CALN1: variants seen among roughly 807,000 people sequenced by gnomAD.
CALN1 encodes the protein calcium-binding protein 8.
In CALN1, 17 loss-of-function variants were observed where a neutral mutation model predicts 30.6. That is an observed-to-expected ratio of 0.56 (90% CI 0.38 to 0.83). CALN1 has a LOEUF of 0.83. Among genes scored for constraint, CALN1 ranks in the 40% least tolerant of loss-of-function variants. CALN1 has a pLI of 0.00. For missense variants in CALN1, 291 were observed against 354.9 expected, an observed-to-expected ratio of 0.82 and a Z score of 1.45; for synonymous variants, 156 against 131.4, an observed-to-expected ratio of 1.19 and a Z score of -1.28.
intron 1 of CALN1, among the ~76,000 whole-genome samples, chr7:72,429,737 G>C (rs918101738): frequency 8.6e-5 from 12 of 139,522 alleles, no homozygotes; most frequent in Non-Finnish European, 1.5e-4. Flanking sequence ...ATATATGTCT[G>C]TGTATATATA....
At chr7:72,006,717 T>C (rs928367846) in intron 5 of CALN1, among the ~76,000 whole-genome samples, 1 of 152,148 alleles carries the variant, frequency 6.6e-6, no homozygotes, top group Admixed American at 6.5e-5. Flanking sequence ...TTTATAGGTA[T>C]AAATGGTAAT....
At chr7:71,905,510 C>T (rs1794087364) in intron 5 of CALN1, among the ~76,000 whole-genome samples, 2 of 151,826 alleles carry the variant, frequency 1.3e-5, no homozygotes, top group African/African-American at 4.8e-5. Context: ...AAGATCAGGG[C>T]TTTTTGGACA....
intron 3 of CALN1, among the ~76,000 whole-genome samples, chr7:72,199,508 C>G (rs529339671): frequency 1.3e-5 from 2 of 152,080 alleles, no homozygotes; most frequent in Non-Finnish European, 2.9e-5. Context: ...GAGTTCGAGA[C>G]AAGGAGTTCA....
At chr7:72,120,117 A>C (rs1441200463) in intron 3 of CALN1, among the ~76,000 whole-genome samples, 2 of 152,054 alleles carry the variant, frequency 1.3e-5, no homozygotes, top group Non-Finnish European at 2.9e-5. Flanking sequence ...AGTAGTCCCC[A>C]GTATCTATTG....
At chr7:72,014,085 CTTTTTTT>C (rs71092941) in intron 5 of CALN1, among the ~76,000 whole-genome samples, 1 of 123,402 alleles carries the variant, frequency 8.1e-6, no homozygotes, top group Non-Finnish European at 1.7e-5. Context: ...TGAGTTGGCT[CTTTTTTT>C]TTTTTTTTTT....
chr7:72,076,934 T>C (rs1236390640), intron 4 of CALN1, among the ~76,000 whole-genome samples: 2 of 151,854 alleles, frequency 1.3e-5, no homozygotes, highest in Non-Finnish European at 2.9e-5. Flanking sequence ...TTATTTTTTA[T>C]TTTTTTTGAG....
At chr7:71,992,498 A>G (rs1309910144) in intron 5 of CALN1, among the ~76,000 whole-genome samples, 3 of 152,170 alleles carry the variant, frequency 2.0e-5, no homozygotes, top group Non-Finnish European at 4.4e-5. Flanking sequence ...CTGGGACTAC[A>G]GGTGCACATC....
chr7:71,995,692 T>C (rs844738), intron 5 of CALN1, among the ~76,000 whole-genome samples: 2,879 of 152,010 alleles, frequency 0.019, 108 homozygotes, highest in African/African-American at 0.067. Flanking sequence ...GGGAGGTGCT[T>C]TCCTTCCCTG....
intron 5 of CALN1, among the ~76,000 whole-genome samples, chr7:71,909,982 A>T (rs1317941879): frequency 1.3e-5 from 2 of 152,184 alleles, no homozygotes; most frequent in Non-Finnish European, 2.9e-5. Context: ...GGTAAAGGAG[A>T]AGCAAAGGCA....
chr7:72,418,442 CT>C (rs1329146685), intron 1 of CALN1, among the ~76,000 whole-genome samples: 1 of 152,168 alleles, frequency 6.6e-6, no homozygotes, highest in South Asian at 2.1e-4. Context: ...GTGCAGGTGT[CT>C]TTTTGGTAGA....
At chr7:72,246,771 T>TTTTTTTTTA (rs1795194829) in intron 3 of CALN1, among the ~76,000 whole-genome samples, 6 of 150,080 alleles carry the variant, frequency 4.0e-5, no homozygotes, top group South Asian at 2.2e-4. Flanking sequence ...TTTTTTTTTT[T>TTTTTTTTTA]GAGATGGAGT....
In CALN1 at chr7:71,792,521, T is replaced by C. The variant is rs73360056; in HGVS notation, c.659-4619A>G. 9.7e-4 allele frequency among the ~76,000 whole-genome samples: 147 copies of C among 152,204 alleles called. 1 individual carries two copies. The highest frequency in any genetic ancestry group is 3.5e-3 in the African/African-American group (147 of 41,526). ...TGCTGTTTAGGTGTGGGTCTCAGAA[T>C]CTTACAAGTTCTTACCTGGAGGAAG... On this transcript the variant is annotated intron_variant, in intron 6 of 6. Coordinates refer to ENST00000395275, the MANE Select transcript of CALN1 (RefSeq NM_031468.4).
At chr7:72,295,586 G>C (rs988911747) in intron 2 of CALN1, among the ~76,000 whole-genome samples, 7 of 140,576 alleles carry the variant, frequency 5.0e-5, no homozygotes, top group East Asian at 2.0e-4. Flanking sequence ...CACATCCCTT[G>C]TAAGTTGGAT....
chr7:71,839,581 G>T (rs765198103), intron 5 of CALN1, among the ~76,000 whole-genome samples: 1 of 152,126 alleles, frequency 6.6e-6, no homozygotes, highest in Non-Finnish European at 1.5e-5. Flanking sequence ...TCATTTTATG[G>T]ATTCTGTGGG....
At chr7:71,852,555 G>A (rs12112505) in intron 5 of CALN1, among the ~76,000 whole-genome samples, 7,444 of 150,756 alleles carry the variant, frequency 0.049, 619 homozygotes, top group African/African-American at 0.17. Context: ...AACCATGATC[G>A]CACCACTGCA....
intron 2 of CALN1, among the ~76,000 whole-genome samples, chr7:72,371,047 CA>C (rs35918896): frequency 0.045 from 4,102 of 91,518 alleles, 85 homozygotes; most frequent in African/African-American, 0.1. Flanking sequence ...AATTAAGTCT[CA>C]AAAAAAAAAA....
intron 2 of CALN1, among the ~76,000 whole-genome samples, chr7:72,332,415 T>C (rs1197184944): frequency 2.6e-5 from 4 of 152,048 alleles, no homozygotes; most frequent in African/African-American, 9.7e-5. Flanking sequence ...TAAACTGACA[T>C]GGCACATGTG....
intron 2 of CALN1, among the ~76,000 whole-genome samples, chr7:72,394,283 G>C (rs1805773289): frequency 6.6e-6 from 1 of 152,128 alleles, no homozygotes; most frequent in African/African-American, 2.4e-5. Flanking sequence ...AGGTGAATTG[G>C]TATGGTAATT....
rs57512202 is a variant in CALN1, at chr7:71,826,032, CAAAAAAAAAAAAAAAA to C, written c.502-15556_502-15541del. Among the ~76,000 whole-genome samples, 10 of 43,864 alleles carry C rather than the reference CAAAAAAAAAAAAAAAA, an allele frequency of 2.3e-4. 1 individual carries two copies. The South Asian group carries it at 9.8e-3, about 43-fold the overall frequency. 28.8% of individuals were successfully genotyped at this position (43,864 alleles called of 152,430 possible). ...TGGGGGACAGAGCGAGACTCTGTCT[CAAAAAAAAAAAAAAAA>C]AAAAAAAAAAAGGCAGAAAACAACA... On this transcript the variant is annotated intron_variant, in intron 5 of 6. Coordinates refer to ENST00000395275, the MANE Select transcript of CALN1 (RefSeq NM_031468.4).
Sources: gnomAD v4.1 joint callset for allele counts (sites outside exome capture counted in the v4.1 genomes callset) on GRCh38, gnomAD v4.1.1 for gene constraint, MANE v1.5 for transcripts, NCBI Gene and HGNC (gene_info 2026-07-23, HGNC 2026-07-21) for gene names.